LHFPL1: variants seen among roughly 807,000 people sequenced by gnomAD.
LHFPL1 encodes the protein LHFPL tetraspan subfamily member 1 protein.
Under a neutral mutation model 12.1 loss-of-function variants are expected in LHFPL1, and 4 were observed. That is an observed-to-expected ratio of 0.33 (90% CI 0.16 to 0.76). The LOEUF is 0.76. Ranked by LOEUF, LHFPL1 falls within the 30% of genes least tolerant of loss-of-function variation. The pLI, the probability that LHFPL1 is intolerant of heterozygous loss-of-function variation, is 0.61. For missense variants in LHFPL1, 141 were observed against 174.1 expected (o/e 0.81, Z 1.07); for synonymous variants, 52 against 61.9 (o/e 0.84, Z 0.75).
intron 3 of LHFPL1, among the ~76,000 whole-genome samples, chrX:112,647,626 C>T (rs60793385): frequency 0.048 from 5,375 of 111,891 alleles, 321 homozygotes; most frequent in African/African-American, 0.16. Flanking sequence ...CAATGAGATA[C>T]CATCTCACAC....
intron 2 of LHFPL1, among the ~76,000 whole-genome samples, chrX:112,665,510 T>G: frequency 8.9e-6 from 1 of 111,854 alleles, no homozygotes; most frequent in Non-Finnish European, 1.9e-5. Context: ...CTGTTTCAAC[T>G]GCATATGCTT....
At chrX:112,668,805 T>G (rs762451596) in intron 2 of LHFPL1, among the ~76,000 whole-genome samples, 4 of 112,371 alleles carry the variant, frequency 3.6e-5, no homozygotes, top group African/African-American at 9.7e-5. Context: ...TGGAGAATTA[T>G]GAATGCTTTG....
intron 3 of LHFPL1, among the ~76,000 whole-genome samples, chrX:112,640,133 T>C (rs1930459815): frequency 9.0e-6 from 1 of 111,188 alleles, no homozygotes; most frequent in Admixed American, 9.7e-5. Flanking sequence ...TATAGTAAGC[T>C]CTGTAAACAT....
At chrX:112,662,979 C>T (rs1440625780) in intron 2 of LHFPL1, among the ~76,000 whole-genome samples, 1 of 111,854 alleles carries the variant, frequency 8.9e-6, no homozygotes, top group African/African-American at 3.3e-5. Flanking sequence ...ATTTTCTAAC[C>T]TTCACATTCA....
At chrX:112,645,161 T>C (rs1291954259) in intron 3 of LHFPL1, among the ~76,000 whole-genome samples, 1 of 112,412 alleles carries the variant, frequency 8.9e-6, no homozygotes, top group East Asian at 2.8e-4. Context: ...TTACATATAA[T>C]GCAGCCTATT....
rs998381535 is a variant in LHFPL1 at position 112,651,923 on chromosome X, C to G, written c.481+8704G>C. ...AAAGTCCTTATATTCTGACTAATGC[C>G]TACGTCTCTGAGATCATCTATTACT... is the stretch of plus-strand genomic sequence containing the variant. On this transcript the variant is annotated intron_variant, in intron 3 of 3. Coordinates refer to ENST00000371968, the MANE Select transcript of LHFPL1 (RefSeq NM_178175.4). 2.7e-5 allele frequency among the ~76,000 whole-genome samples: 3 copies of G among 112,853 alleles called. No individual in the cohort carries two copies. In the East Asian group the frequency reaches 8.4e-4, roughly 32 times the overall value.
At chrX:112,658,563 G>A (rs1463667203) in intron 3 of LHFPL1, among the ~76,000 whole-genome samples, 1 of 111,136 alleles carries the variant, frequency 9.0e-6, no homozygotes, top group Non-Finnish European at 1.9e-5. Flanking sequence ...TCAGGGAAAT[G>A]AAAATCAAAA....
chrX:112,641,676 T>G (rs905868466), intron 3 of LHFPL1, among the ~76,000 whole-genome samples: 3 of 112,208 alleles, frequency 2.7e-5, no homozygotes, highest in African/African-American at 3.2e-5. Context: ...TCTCAGATCC[T>G]CTTTATCTCA....
At chrX:112,658,775 A>C (rs778670636) in intron 3 of LHFPL1, among the ~76,000 whole-genome samples, 4 of 112,016 alleles carry the variant, frequency 3.6e-5, no homozygotes, top group Admixed American at 1.9e-4. Context: ...ATTTTGAGAT[A>C]TATACCCAAA....
intron 2 of LHFPL1, among the ~76,000 whole-genome samples, chrX:112,669,286 C>CGTTTAATTATA (rs1488538438): frequency 8.9e-6 from 1 of 112,042 alleles, no homozygotes; most frequent in Non-Finnish European, 1.9e-5. Context: ...TTAATTATAG[C>CGTTTAATTATA]GTGTTTAAAA....
Position 112,631,134 on chromosome X carries a change from C to G in LHFPL1, c.*286G>C, listed in dbSNP as rs1160287897. On this transcript the variant is annotated 3_prime_UTR_variant, in exon 4 of 4. Coordinates refer to ENST00000371968, the MANE Select transcript of LHFPL1 (RefSeq NM_178175.4). ...TCCCTGCACAACTATTCTTACCCAGCCTTAGCTTTGGATCCTATTTTGCAT... is the reference window on the plus strand; with the variant it reads ...TCCCTGCACAACTATTCTTACCCAGGCTTAGCTTTGGATCCTATTTTGCAT... 8 of 223,455 alleles carry G rather than the reference C, an allele frequency of 3.6e-5. No homozygotes were observed. The East Asian group carries it at 6.2e-4, about 17-fold the overall frequency. 18.4% of individuals were successfully genotyped at this position (223,455 alleles called of 1,213,427 possible).
At chrX:112,664,021 C>G (rs1166407069) in intron 2 of LHFPL1, among the ~76,000 whole-genome samples, 2 of 112,260 alleles carry the variant, frequency 1.8e-5, no homozygotes, top group African/African-American at 6.5e-5. Flanking sequence ...CCTGTGCATA[C>G]TCAAATCCCT....
At chrX:112,638,419 T>C (rs17223001) in intron 3 of LHFPL1, among the ~76,000 whole-genome samples, 2,966 of 111,336 alleles carry the variant, frequency 0.027, 46 homozygotes, top group Non-Finnish European at 0.042. Flanking sequence ...AGGTAGCCTA[T>C]AGTGGCCCTG....
At chrX:112,632,648 T>C (rs1930223275) in intron 3 of LHFPL1, among the ~76,000 whole-genome samples, 1 of 111,769 alleles carries the variant, frequency 8.9e-6, no homozygotes, top group African/African-American at 3.3e-5. Flanking sequence ...GATGTCAAGA[T>C]TGATCTGTAT....
Position 112,631,236 on chromosome X carries a change from T to C in LHFPL1, c.*184A>G. The C allele has an allele frequency of 2.8e-6, 1 of 362,672 alleles. No homozygotes were observed. The highest frequency in any genetic ancestry group is 4.8e-6 in the Non-Finnish European group (1 of 210,472). The allele number at this position is 362,672 out of a possible 1,213,427, so 29.9% of individuals were successfully genotyped here. ...GTCTGAGAATGTTTCCTCTGATGAA[T>C]TTTATAAACAGCCAGTGACCTACTG... On this transcript the variant is annotated 3_prime_UTR_variant, in exon 4 of 4. Transcript: ENST00000371968.
rs1165046978 is a variant in LHFPL1, at chrX:112,630,888, C to G, written c.*532G>C. On this transcript the variant is annotated 3_prime_UTR_variant, in exon 4 of 4. Transcript: ENST00000371968. ...TATCCTTGATTAATGTTTTCCCCAC[C>G]ACTGGGAATCACCCTCCCCCGCTCC... 9.0e-6 allele frequency: 1 copy of G among 111,579 alleles called. No homozygotes were observed. Among genetic ancestry groups the G allele is most frequent in the Non-Finnish European group, 1.9e-5 (1 of 53,129 alleles). 9.2% of individuals were successfully genotyped at this position (111,579 alleles called of 1,213,427 possible).
At chrX:112,650,525 C>A (rs2147710018) in intron 3 of LHFPL1, among the ~76,000 whole-genome samples, 1 of 111,556 alleles carries the variant, frequency 9.0e-6, no homozygotes, top group South Asian at 3.8e-4. Flanking sequence ...GAGTTTAATG[C>A]AGCAGCATTA....
intron 2 of LHFPL1, among the ~76,000 whole-genome samples, chrX:112,668,203 C>G (rs985115886): frequency 1.3e-4 from 15 of 112,153 alleles, no homozygotes; most frequent in African/African-American, 4.5e-4. Context: ...TGCTGCCCAG[C>G]CTTGGTTTCC....
At chrX:112,651,056 G>A (rs1051921465) in intron 3 of LHFPL1, among the ~76,000 whole-genome samples, 3 of 111,848 alleles carry the variant, frequency 2.7e-5, no homozygotes, top group Admixed American at 9.5e-5. Context: ...ATAGATTGTG[G>A]CAAAGATGTA....
Sources: allele counts gnomAD v4.1 joint callset (sites outside exome capture counted in the v4.1 genomes callset), GRCh38; gene constraint gnomAD v4.1.1; transcripts MANE v1.5; gene names NCBI Gene and HGNC (gene_info 2026-07-23, HGNC 2026-07-21).